Variants in VPS13C observed in about 807,000 individuals in gnomAD.
The protein encoded by VPS13C is intermembrane lipid transfer protein VPS13C.
A neutral mutation model predicts 456.8 loss-of-function variants in VPS13C; 358 were observed. The observed-to-expected ratio is 0.78, with a 90% CI of 0.72 to 0.86. The LOEUF is 0.86. Ranked by LOEUF, VPS13C falls within the 40% of genes least tolerant of loss-of-function variation. The pLI is 0.00. For synonymous variants in VPS13C, 1,578 were observed against 1,486.7 expected, an observed-to-expected ratio of 1.06 and a Z score of -1.41; for missense variants, 4,818 against 4,385.4, an observed-to-expected ratio of 1.10 and a Z score of -2.79.
In VPS13C at chr15:61,915,970, T is replaced by C; in HGVS notation, c.8108A>G (p.His2703Arg). 2 of 1,613,356 alleles carry C rather than the reference T, an allele frequency of 1.2e-6. No homozygotes were observed. The highest frequency in any genetic ancestry group is 1.7e-6 in the Non-Finnish European group (2 of 1,179,496). The change falls in exon 61 of 85, where the codon CAT (histidine) becomes CGT (arginine). Residue 2703 changes from histidine (H) to arginine (R), a missense_variant. By Grantham distance (29) the His-to-Arg change is conservative (BLOSUM62 0). Transcript: ENST00000644861. Reference sequence around the variant, plus strand: ...CATTATTTCACCACTGATTCTCGAATGCAGAACATCAGCAGTACTGCCTTC... The same window carrying C: ...CATTATTTCACCACTGATTCTCGAACGCAGAACATCAGCAGTACTGCCTTC... ...LAEGSTADVL[H>R]SRISGEIMEL...
chr15:61,921,178 A>C (rs2043641856), intron 55 of VPS13C, among the ~76,000 whole-genome samples: 1 of 152,136 alleles, frequency 6.6e-6, no homozygotes, highest in Non-Finnish European at 1.5e-5. Flanking sequence ...TCCCTATGCC[A>C]GAGAAAGGCA....
chr15:62,016,517 C>G (rs923007163), intron 9 of VPS13C, among the ~76,000 whole-genome samples: 1 of 147,482 alleles, frequency 6.8e-6, no homozygotes, highest in Non-Finnish European at 1.5e-5. Context: ...TGAGAACATG[C>G]AGTGTTTGGT....
chr15:62,040,613 A>G (rs1039744241), intron 3 of VPS13C, among the ~76,000 whole-genome samples: 3 of 152,126 alleles, frequency 2.0e-5, no homozygotes, highest in African/African-American at 7.2e-5. Context: ...ACAAAGTTCA[A>G]TATCTGAGTG....
In VPS13C at chr15:62,047,835, T is replaced by C. The variant is rs953870038; in HGVS notation, c.101-3580A>G. On this transcript the variant is annotated intron_variant, in intron 1 of 84. Transcript: ENST00000644861. ...AAATCCTGTTTAAAGAAAAAGAATT[T>C]ATAAGACCAAGATTAAACCAGATCT... Among the ~76,000 whole-genome samples the C allele has an allele frequency of 2.0e-5, 3 of 152,326 alleles. No individual in the cohort carries two copies. In the East Asian group the frequency reaches 5.8e-4, roughly 29 times the overall value.
At chr15:61,926,909 T>G (rs1404845156) in intron 52 of VPS13C, among the ~76,000 whole-genome samples, 182 bp downstream of exon 52, 1 of 152,220 alleles carries the variant, frequency 6.6e-6, no homozygotes, top group African/African-American at 2.4e-5. Flanking sequence ...CCCAGTTCTG[T>G]CACTAGCAGC....
chr15:61,940,756 T>C lies in VPS13C; in HGVS notation c.5492A>G (p.Glu1831Gly). Residue 1831 changes from glutamate (E) to glycine (G), a missense_variant, in exon 47 of 85, where the codon GAA becomes GGA. Glu to Gly is a moderately conservative substitution (Grantham distance 98). Transcript: ENST00000644861. ...LQASLPQNDI[E>G]ILKPVNMLLS... ...AAGCATGTTGACTGGTTTTAAAATTTCAATGTCATTTTGTGGCAAGCTAGC... is the reference window on the plus strand; with the variant it reads ...AAGCATGTTGACTGGTTTTAAAATTCCAATGTCATTTTGTGGCAAGCTAGC... 6.2e-7 allele frequency: 1 copy of C among 1,613,600 alleles called. No individual in the cohort carries two copies. The highest frequency in any genetic ancestry group is 8.5e-7 in the Non-Finnish European group (1 of 1,179,730).
chr15:61,930,927 C>G (rs910709418), intron 50 of VPS13C, among the ~76,000 whole-genome samples, 163 bp downstream of exon 50: 1 of 152,196 alleles, frequency 6.6e-6, no homozygotes, highest in Admixed American at 6.5e-5. Context: ...TTTAAAGCAG[C>G]TGAATCTGAT....
chr15:61,898,198 C>T (rs532201188), intron 66 of VPS13C, among the ~76,000 whole-genome samples: 5 of 151,660 alleles, frequency 3.3e-5, no homozygotes, highest in South Asian at 4.2e-4. Flanking sequence ...CATCAACTAA[C>T]GAGCAAAATC....
At chr15:62,047,385 C>T (rs893313958) in intron 1 of VPS13C, among the ~76,000 whole-genome samples, 2 of 151,614 alleles carry the variant, frequency 1.3e-5, no homozygotes, top group Non-Finnish European at 2.9e-5. Context: ...TTGCGGTGAG[C>T]TGAGATTGTG....
chr15:62,001,963 A>G lies in VPS13C; in HGVS notation c.1291-1337T>C, dbSNP rs372788945. Among the ~76,000 whole-genome samples the G allele has an allele frequency of 2.6e-5, 4 of 152,262 alleles. No individual in the cohort carries two copies. The East Asian group carries it at 5.8e-4, about 22-fold the overall frequency. On this transcript the variant is annotated intron_variant, in intron 15 of 84. Transcript: ENST00000644861. ...TTCCGAGTCTTTGCTATTGTGAATA[A>G]TGCCGCAATAAACATATGTGTGCAT...
At chr15:62,058,669 T>C (rs2048883194) in intron 1 of VPS13C, among the ~76,000 whole-genome samples, 1 of 152,136 alleles carries the variant, frequency 6.6e-6, no homozygotes, top group African/African-American at 2.4e-5. Context: ...TGGTCAGGGG[T>C]ACTGAAGCCA....
intron 67 of VPS13C, among the ~76,000 whole-genome samples, chr15:61,888,517 T>C (rs751047162): frequency 6.6e-6 from 1 of 152,048 alleles, no homozygotes; most frequent in Non-Finnish European, 1.5e-5. Flanking sequence ...TATTATTCAA[T>C]AATACAAAGA....
At chr15:61,887,911 T>C (rs1290294458) in intron 67 of VPS13C, among the ~76,000 whole-genome samples, 1 of 152,062 alleles carries the variant, frequency 6.6e-6, no homozygotes, top group Admixed American at 6.6e-5. Context: ...AATAAAAAGA[T>C]AAGCCACAGA....
In VPS13C at chr15:61,884,161, G is replaced by A. The variant is rs748349760; in HGVS notation, c.9450C>T (p.Asp3150=). 6.2e-7 allele frequency: 1 copy of A among 1,602,324 alleles called. No homozygotes were observed. The highest frequency in any genetic ancestry group is 1.7e-5 in the Admixed American group (1 of 58,336). The part of the protein sequence containing the change: ...QSYQKHQISR[D]HGWIKLDNNF... Reference sequence around the variant, plus strand: ...TATTATCTAGCTTAATCCAGCCATGGTCTCTTGATATTTGATGTTTCTGAT... The same window carrying A: ...TATTATCTAGCTTAATCCAGCCATGATCTCTTGATATTTGATGTTTCTGAT... The change falls in exon 68 of 85, where the codon GAC becomes GAT. Residue 3150 remains aspartate, a synonymous_variant. Transcript: ENST00000644861.
At chr15:61,921,850 A>G (rs1596333749) in intron 55 of VPS13C, 97 bp downstream of exon 55, 2 of 1,256,450 alleles carry the variant, frequency 1.6e-6, no homozygotes, top group East Asian at 4.8e-5. Context: ...AAGGGCTTCA[A>G]GGATCCTAGA....
chr15:61,857,689 G>A (rs560961121), intron 82 of VPS13C, among the ~76,000 whole-genome samples: 2 of 152,252 alleles, frequency 1.3e-5, no homozygotes, highest in South Asian at 2.1e-4. Context: ...CAAAGAGAGT[G>A]GCAATAGACA....
rs766199873 is a variant in VPS13C at position 62,023,830 on chromosome 15, T to C, written c.464A>G (p.Lys155Arg). ...AGGTTTCTTAAAATGTTTTTTGTGC[T>C]TTTTACGTTTACGTCCTTCACAGTG... ...KDIKPGRKRK[K>R]HKKHFKKPFK... The change falls in exon 7 of 85, where the codon AAG (lysine) becomes AGG (arginine). Residue 155 changes from lysine to arginine, a missense_variant. Physicochemically the swap from Lys to Arg is conservative, Grantham distance 26. Coordinates refer to ENST00000644861, the MANE Select transcript of VPS13C (RefSeq NM_020821.3). The C allele has an allele frequency of 1.2e-6, 2 of 1,611,060 alleles. No individual in the cohort carries two copies.
At chr15:61,976,970 T>C (rs1017534837) in intron 24 of VPS13C, 112 bp downstream of exon 24, 1 of 685,008 alleles carries the variant, frequency 1.5e-6, no homozygotes, top group East Asian at 2.9e-5. Flanking sequence ...ATTGGAATAA[T>C]CATTTTTGCT....
intron 40 of VPS13C, 110 bp downstream of exon 40, chr15:61,950,835 A>AT: frequency 1.3e-6 from 1 of 748,464 alleles, no homozygotes; most frequent in Non-Finnish European, 2.1e-6. Context: ...ACCATAATCA[A>AT]TAAGTTTAGG....
Sources: allele counts gnomAD v4.1 joint callset (sites outside exome capture counted in the v4.1 genomes callset), GRCh38; gene constraint gnomAD v4.1.1; transcripts MANE v1.5; gene names NCBI Gene and HGNC (gene_info 2026-07-23, HGNC 2026-07-21).